Variants in TNIK observed in about 807,000 individuals in gnomAD.
TNIK encodes TRAF2 and NCK-interacting protein kinase.
In TNIK, 49 loss-of-function variants were observed where a neutral mutation model predicts 191.3. The observed-to-expected ratio is 0.26, with a 90% CI of 0.20 to 0.32. The LOEUF is 0.32. Ranked by LOEUF, TNIK falls within the 10% of genes least tolerant of loss-of-function variation. The pLI is 1.00. For missense variants in TNIK, 1,155 were observed against 1,702.3 expected, an observed-to-expected ratio of 0.68 and a Z score of 5.66; for synonymous variants, 594 against 600.9, an observed-to-expected ratio of 0.99 and a Z score of 0.17.
chr3:171,112,686 T>G (rs929837941), intron 18 of TNIK, among the ~76,000 whole-genome samples: 5 of 135,252 alleles, frequency 3.7e-5, no homozygotes, highest in South Asian at 4.6e-4. Context: ...GCATATTCAG[T>G]TTTTTTTTTC....
At chr3:171,373,042 G>T (rs947765909) in intron 1 of TNIK, among the ~76,000 whole-genome samples, 1 of 152,158 alleles carries the variant, frequency 6.6e-6, no homozygotes, top group African/African-American at 2.4e-5. Flanking sequence ...AGCGCCTGGA[G>T]AGCTGAATGT....
intron 2 of TNIK, among the ~76,000 whole-genome samples, chr3:171,342,628 G>A (rs1197923700): frequency 1.3e-5 from 2 of 152,148 alleles, no homozygotes; most frequent in African/African-American, 2.4e-5. Flanking sequence ...GGTTGTATTA[G>A]AATATAACCC....
chr3:171,419,106 T>C (rs1723435211), intron 1 of TNIK, among the ~76,000 whole-genome samples: 1 of 152,150 alleles, frequency 6.6e-6, no homozygotes. Flanking sequence ...TATCACTTCT[T>C]CAAAGGGCCC....
intron 12 of TNIK, among the ~76,000 whole-genome samples, chr3:171,153,065 C>T (rs879808231): frequency 1.6e-4 from 24 of 152,274 alleles, no homozygotes; most frequent in South Asian, 1.2e-3. Flanking sequence ...TGAGCCACTG[C>T]GCCCGGCCAA....
Position 171,060,811 on chromosome 3 carries a change from C to G in TNIK, c.*3070G>C, listed in dbSNP as rs746598370. On this transcript the variant is annotated 3_prime_UTR_variant, in exon 33 of 33. Transcript: ENST00000436636. ...GGCACCCAGGAATGATGGTCACCTG[C>G]CAGACCCCAGACCCAGACTATGGTG... is the stretch of plus-strand genomic sequence containing the variant. 1.3e-5 allele frequency among the ~76,000 whole-genome samples: 2 copies of G among 152,080 alleles called. No individual in the cohort carries two copies. Among genetic ancestry groups the G allele is most frequent in the Non-Finnish European group, 2.9e-5 (2 of 68,014 alleles).
At chr3:171,307,301 A>G (rs1214193772) in intron 2 of TNIK, among the ~76,000 whole-genome samples, 1 of 152,084 alleles carries the variant, frequency 6.6e-6, no homozygotes, top group African/African-American at 2.4e-5. Context: ...ATCAAATAGA[A>G]ACCCTGCATC....
At chr3:171,146,745 C>G (rs979367927) in intron 12 of TNIK, among the ~76,000 whole-genome samples, 1 of 151,956 alleles carries the variant, frequency 6.6e-6, no homozygotes, top group Non-Finnish European at 1.5e-5. Flanking sequence ...CAAAAATTAG[C>G]TGGGTGTGAT....
Position 171,157,367 on chromosome 3 carries a change from G to A in TNIK, c.1221+93C>T, listed in dbSNP as rs1334939947. 4.8e-6 allele frequency: 7 copies of A among 1,446,378 alleles called. No homozygotes were observed. In the South Asian group the frequency reaches 6.7e-5, roughly 14 times the overall value. The allele number at this position is 1,446,378 out of a possible 1,614,324, so 89.6% of individuals were successfully genotyped here. Reference sequence around the variant, plus strand: ...CCCTTTGTGCCTCTAAGCTCTGTGTGCTCACAGGTGGGATGTGGGCCCCCA... The same window carrying A: ...CCCTTTGTGCCTCTAAGCTCTGTGTACTCACAGGTGGGATGTGGGCCCCCA... On this transcript the variant is annotated intron_variant, in intron 12 of 32. Coordinates refer to ENST00000436636, the MANE Select transcript of TNIK (RefSeq NM_015028.4).
chr3:171,397,203 C>T (rs1167705118), intron 1 of TNIK, among the ~76,000 whole-genome samples: 2 of 152,220 alleles, frequency 1.3e-5, no homozygotes, highest in South Asian at 2.1e-4. Context: ...TACAAGAGTG[C>T]GAAGGGCATC....
intron 2 of TNIK, among the ~76,000 whole-genome samples, chr3:171,284,063 G>T (rs1750758403): frequency 6.6e-6 from 1 of 152,074 alleles, no homozygotes; most frequent in South Asian, 2.1e-4. Flanking sequence ...CTGTTAACTT[G>T]CTTGGGAATG....
chr3:171,344,523 T>C (rs1560456599), intron 2 of TNIK, among the ~76,000 whole-genome samples: 1 of 152,136 alleles, frequency 6.6e-6, no homozygotes, highest in Non-Finnish European at 1.5e-5. Context: ...TGTATTAATA[T>C]CACACAAGAA....
rs1247995082 is a variant in TNIK, at chr3:171,411,120, G to A, written c.58-41435C>T. 2.0e-5 allele frequency among the ~76,000 whole-genome samples: 3 copies of A among 151,532 alleles called. No homozygotes were observed. In the East Asian group the frequency reaches 5.8e-4, roughly 29 times the overall value. On this transcript the variant is annotated intron_variant, in intron 1 of 32. Coordinates refer to ENST00000436636, the MANE Select transcript of TNIK (RefSeq NM_015028.4). Reference sequence around the variant, plus strand: ...CTCACGCTGTGTCACCCAGGCTGGAGTGCAGTGGCATGATATAGCTCATTG... The same window carrying A: ...CTCACGCTGTGTCACCCAGGCTGGAATGCAGTGGCATGATATAGCTCATTG...
At chr3:171,415,499 T>C in intron 1 of TNIK, among the ~76,000 whole-genome samples, 1 of 152,062 alleles carries the variant, frequency 6.6e-6, no homozygotes, top group Non-Finnish European at 1.5e-5. Flanking sequence ...TCTTCCAATT[T>C]GAAAAGATTC....
intron 2 of TNIK, among the ~76,000 whole-genome samples, chr3:171,313,781 G>A (rs1486280906): frequency 2.6e-5 from 4 of 152,130 alleles, no homozygotes. Context: ...ATGGATAGAA[G>A]TTCCCTCTGA....
At chr3:171,200,290 C>A (rs1739247444) in intron 4 of TNIK, among the ~76,000 whole-genome samples, 1 of 152,104 alleles carries the variant, frequency 6.6e-6, no homozygotes, top group Non-Finnish European at 1.5e-5. Flanking sequence ...TGGTTGGGGG[C>A]AGGATGAGGA....
intron 7 of TNIK, among the ~76,000 whole-genome samples, chr3:171,180,473 G>T (rs1736510472): frequency 2.0e-5 from 3 of 152,168 alleles, no homozygotes; most frequent in African/African-American, 4.8e-5. Context: ...GAACCTAAGA[G>T]CCACAGGGCA....
chr3:171,101,490 G>A lies in TNIK; in HGVS notation c.2550C>T (p.Thr850=), dbSNP rs1216507131. 2.5e-6 allele frequency: 4 copies of A among 1,613,062 alleles called. No individual in the cohort carries two copies. Among genetic ancestry groups the A allele is most frequent in the African/African-American group, 2.7e-5 (2 of 74,820 alleles). ...EEEEEDGESE[T]HDGTVAVSDI... ...CGCTGACAGCCACTGTCCCATCATG[G>A]GTCTCGCTCTCTCCATCTTCCTCCT... is the stretch of plus-strand genomic sequence containing the variant. The change falls in exon 22 of 33, where the codon ACC becomes ACT. Residue 850 remains threonine, a synonymous_variant. Transcript: ENST00000436636.
chr3:171,103,599 T>G (rs1440565973), intron 21 of TNIK, among the ~76,000 whole-genome samples: 1 of 152,146 alleles, frequency 6.6e-6, no homozygotes, highest in East Asian at 1.9e-4. Context: ...TAAATTTATT[T>G]TGTATTCTGA....
rs370531161 is a variant in TNIK, at chr3:171,093,836, T to C, written c.2721+3A>G. The C allele has an allele frequency of 1.0e-4, 169 of 1,613,202 alleles. No individual in the cohort carries two copies. Among genetic ancestry groups the C allele is most frequent in the Non-Finnish European group, 1.4e-4 (167 of 1,179,512 alleles). ...CCTCTACACAGTTTTTATACCAACT[T>C]ACCTCTCTAATCATCAAGGTTCCTT... On this transcript the variant is annotated splice_donor_region_variant and intron_variant, in intron 23 of 32. Transcript: ENST00000436636.
Sources: gnomAD v4.1 joint callset for allele counts (sites outside exome capture counted in the v4.1 genomes callset) on GRCh38, gnomAD v4.1.1 for gene constraint, MANE v1.5 for transcripts, NCBI Gene and HGNC (gene_info 2026-07-23, HGNC 2026-07-21) for gene names.